The following SOX5 variants were observed in gnomAD, a reference collection of about 807,000 sequenced individuals.
The protein encoded by SOX5 is transcription factor SOX-5.
Under a neutral mutation model 92.0 loss-of-function variants are expected in SOX5, and 9 were observed. The observed-to-expected ratio is 0.10, with a 90% CI of 0.06 to 0.17. The LOEUF is 0.17. Ranked by LOEUF, SOX5 falls within the 10% of genes least tolerant of loss-of-function variation. SOX5 has a pLI of 1.00. For synonymous variants in SOX5, 344 were observed against 336.3 expected (o/e 1.02, Z -0.25); for missense variants, 642 against 944.5 (o/e 0.68, Z 4.20).
At chr12:23,887,583 C>T (rs1422197520) in intron 2 of SOX5, among the ~76,000 whole-genome samples, 1 of 152,094 alleles carries the variant, frequency 6.6e-6, no homozygotes, top group African/African-American at 2.4e-5. Context: ...AGTGTCCTGG[C>T]TATTTCCAGT....
chr12:24,334,710 C>T (rs904308994), intron 2 of SOX5, among the ~76,000 whole-genome samples: 2 of 152,098 alleles, frequency 1.3e-5, no homozygotes, highest in African/African-American at 4.8e-5. Context: ...ATATAATTTA[C>T]AGCAAAACAT....
At chr12:23,879,251 A>G (rs2096961010) in intron 2 of SOX5, among the ~76,000 whole-genome samples, 1 of 152,168 alleles carries the variant, frequency 6.6e-6, no homozygotes, top group Non-Finnish European at 1.5e-5. Context: ...AGTGCTAGAA[A>G]TAAGTAAATG....
At chr12:24,450,380 G>A (rs919705355) in intron 1 of SOX5, among the ~76,000 whole-genome samples, 2 of 151,836 alleles carry the variant, frequency 1.3e-5, no homozygotes, top group African/African-American at 4.8e-5. Context: ...ATATATTTAC[G>A]AGCTATATTA....
intron 1 of SOX5, among the ~76,000 whole-genome samples, chr12:24,371,347 C>T (rs944256158): frequency 6.6e-6 from 1 of 152,214 alleles, no homozygotes; most frequent in Non-Finnish European, 1.5e-5. Flanking sequence ...TTTTTCCCCC[C>T]CAGGGCTACA....
At chr12:24,327,723 A>G (rs1368712506) in intron 2 of SOX5, among the ~76,000 whole-genome samples, 1 of 151,940 alleles carries the variant, frequency 6.6e-6, no homozygotes, top group Non-Finnish European at 1.5e-5. Flanking sequence ...AGCTGGGACT[A>G]CAGGAGCCTG....
chr12:24,523,482 T>G (rs971159261), intron 1 of SOX5, among the ~76,000 whole-genome samples: 8 of 152,130 alleles, frequency 5.3e-5, no homozygotes, highest in African/African-American at 1.7e-4. Flanking sequence ...GTTCTTAATT[T>G]CAAAATATAT....
chr12:23,557,135 G>C (rs777862595), intron 11 of SOX5, among the ~76,000 whole-genome samples: 1 of 152,176 alleles, frequency 6.6e-6, no homozygotes, highest in Non-Finnish European at 1.5e-5. Context: ...GGTTGTAATG[G>C]ACGAGTTTCC....
chr12:24,129,129 C>G (rs936080849), intron 4 of SOX5, among the ~76,000 whole-genome samples: 4 of 152,222 alleles, frequency 2.6e-5, no homozygotes, highest in African/African-American at 7.2e-5. Context: ...ATGGATGATA[C>G]TAATTTAAAG....
At chr12:24,461,772 C>G (rs1339811066) in intron 1 of SOX5, among the ~76,000 whole-genome samples, 1 of 152,098 alleles carries the variant, frequency 6.6e-6, no homozygotes, top group Non-Finnish European at 1.5e-5. Context: ...TTTGAGACAT[C>G]TTTCTCTTGA....
At chr12:23,833,158 A>G (rs1307672750) in intron 3 of SOX5, among the ~76,000 whole-genome samples, 2 of 152,044 alleles carry the variant, frequency 1.3e-5, no homozygotes, top group African/African-American at 4.8e-5. Context: ...AAACTCATGA[A>G]TCCTGAGTCT....
intron 3 of SOX5, among the ~76,000 whole-genome samples, chr12:23,823,619 C>T (rs1297281323): frequency 6.6e-6 from 1 of 152,136 alleles, no homozygotes; most frequent in Non-Finnish European, 1.5e-5. Context: ...AGAGCAGTAT[C>T]TTTGTGGTGT....
intron 12 of SOX5, among the ~76,000 whole-genome samples, chr12:23,545,639 A>G (rs902501604): frequency 2.0e-5 from 3 of 152,132 alleles, no homozygotes; most frequent in African/African-American, 7.2e-5. Context: ...TATCGTGGAA[A>G]TGTCCTCTGA....
At chr12:24,532,328 T>G (rs2138668598) in intron 1 of SOX5, among the ~76,000 whole-genome samples, 1 of 152,312 alleles carries the variant, frequency 6.6e-6, no homozygotes, top group South Asian at 2.1e-4. Flanking sequence ...ACCAACTGAT[T>G]TGAAGCTATT....
Position 23,533,218 on chromosome 12 carries a change from T to A in SOX5, c.*1001A>T, listed in dbSNP as rs1367918787. ...GGTTTAACTCACAATGGTCCAACGTTATTCCTATTATTAGTACCATAATCA... is the reference window on the plus strand; with the variant it reads ...GGTTTAACTCACAATGGTCCAACGTAATTCCTATTATTAGTACCATAATCA... On this transcript the variant is annotated 3_prime_UTR_variant, in exon 15 of 15. Coordinates refer to ENST00000451604, the MANE Select transcript of SOX5 (RefSeq NM_006940.6). 2.2e-6 allele frequency: 1 copy of A among 456,080 alleles called. No individual in the cohort carries two copies. Among genetic ancestry groups the A allele is most frequent in the South Asian group, 1.6e-5 (1 of 64,496 alleles). The allele number at this position is 456,080 out of a possible 1,614,324, so 28.3% of individuals were successfully genotyped here.
At chr12:23,927,996 G>C (rs532344365) in intron 1 of SOX5, among the ~76,000 whole-genome samples, 1 of 152,142 alleles carries the variant, frequency 6.6e-6, no homozygotes, top group Admixed American at 6.5e-5. Flanking sequence ...CCAGTAGTAA[G>C]AGCATCAAGG....
chr12:23,563,698 C>T (rs1210899962), intron 10 of SOX5, among the ~76,000 whole-genome samples: 4 of 152,008 alleles, frequency 2.6e-5, no homozygotes, highest in Admixed American at 1.3e-4. Context: ...TAAGTAAATG[C>T]TTTAGTTATT....
chr12:23,570,109 C>T (rs980999746), intron 10 of SOX5, among the ~76,000 whole-genome samples: 1 of 152,132 alleles, frequency 6.6e-6, no homozygotes, highest in Non-Finnish European at 1.5e-5. Context: ...ATTAGTGCCA[C>T]ACAAATCTTA....
intron 1 of SOX5, among the ~76,000 whole-genome samples, chr12:23,908,152 GA>G (rs2097313093): frequency 6.6e-6 from 1 of 152,090 alleles, no homozygotes; most frequent in Non-Finnish European, 1.5e-5. Flanking sequence ...ATCTAATAAT[GA>G]TGACAAAAAT....
rs1949212238 is a variant in SOX5 at position 23,978,944 on chromosome 12, T to C, written c.-1-82920A>G. Among the ~76,000 whole-genome samples, 4 of 152,202 alleles carry C rather than the reference T, an allele frequency of 2.6e-5. 1 individual carries two copies. The highest frequency in any genetic ancestry group is 2.0e-4 in the Admixed American group (3 of 15,282). ...TTATGTCTTTAGATACATTTTTCCT[T>C]AGTTCTGGTCATTGCCTTTCTGAAC... On this transcript the variant is annotated intron_variant, in intron 4 of 4. Transcript: ENST00000446891.
Sources: allele counts gnomAD v4.1 joint callset (sites outside exome capture counted in the v4.1 genomes callset), GRCh38; gene constraint gnomAD v4.1.1; transcripts MANE v1.5; gene names NCBI Gene and HGNC (gene_info 2026-07-23, HGNC 2026-07-21).